Variants in RBFOX1 observed in about 807,000 individuals in gnomAD.
RBFOX1 encodes the protein RNA binding protein fox-1 homolog 1.
Under a neutral mutation model 57.7 loss-of-function variants are expected in RBFOX1, and 8 were observed. The observed-to-expected ratio is 0.14, with a 90% CI of 0.08 to 0.25. The LOEUF (loss-of-function observed/expected upper bound fraction) is 0.25. Among genes scored for constraint, RBFOX1 ranks in the 10% least tolerant of loss-of-function variants. The pLI is 1.00. For missense variants in RBFOX1, 611 were observed against 548.5 expected, an observed-to-expected ratio of 1.11 and a Z score of -1.14; for synonymous variants, 326 against 222.4, an observed-to-expected ratio of 1.47 and a Z score of -4.15.
chr16:7,454,300 C>T (rs950650746), intron 4 of RBFOX1, among the ~76,000 whole-genome samples: 1 of 152,180 alleles, frequency 6.6e-6, no homozygotes, highest in Non-Finnish European at 1.5e-5. Context: ...AAGGAAGATG[C>T]CCAGGATCGG....
intron 5 of RBFOX1, among the ~76,000 whole-genome samples, chr16:7,539,975 T>A (rs1006502241): frequency 1.3e-5 from 2 of 152,180 alleles, no homozygotes; most frequent in African/African-American, 4.8e-5. Flanking sequence ...CTGCATGACT[T>A]TGGGAAAGCT....
intron 3 of RBFOX1, among the ~76,000 whole-genome samples, chr16:6,952,044 G>A (rs2080876230): frequency 6.6e-6 from 1 of 152,186 alleles, no homozygotes; most frequent in Admixed American, 6.5e-5. Flanking sequence ...TGAAAAAAGT[G>A]GTTTCTCATA....
At chr16:5,737,206 G>C (rs867281370) in intron 3 of RBFOX1, among the ~76,000 whole-genome samples, 1 of 152,054 alleles carries the variant, frequency 6.6e-6, no homozygotes, top group Non-Finnish European at 1.5e-5. Context: ...ATTCTGGGCT[G>C]GGTGCAGTTG....
At chr16:5,413,095 C>A (rs575433509) in intron 1 of RBFOX1, among the ~76,000 whole-genome samples, 1 of 152,246 alleles carries the variant, frequency 6.6e-6, no homozygotes, top group African/African-American at 2.4e-5. Flanking sequence ...TTGATGTTTC[C>A]CATCACGATG....
At chr16:5,636,481 C>T (rs1039797078) in intron 3 of RBFOX1, among the ~76,000 whole-genome samples, 6 of 152,178 alleles carry the variant, frequency 3.9e-5, no homozygotes, top group Admixed American at 1.3e-4. Flanking sequence ...GGACTCCTCC[C>T]GCTCATGGGG....
At chr16:7,125,714 G>A (rs1200439692) in intron 4 of RBFOX1, among the ~76,000 whole-genome samples, 2 of 151,752 alleles carry the variant, frequency 1.3e-5, no homozygotes, top group Non-Finnish European at 2.9e-5. Context: ...TTAGACAGAT[G>A]CCTAAACTCC....
intron 4 of RBFOX1, among the ~76,000 whole-genome samples, chr16:7,111,957 A>G (rs1314089639): frequency 2.0e-5 from 3 of 152,152 alleles, no homozygotes; most frequent in Non-Finnish European, 4.4e-5. Context: ...GTCACCCTGA[A>G]TTATTGGAGG....
chr16:6,893,581 A>G (rs960109033), intron 3 of RBFOX1, among the ~76,000 whole-genome samples: 2 of 152,180 alleles, frequency 1.3e-5, no homozygotes, highest in South Asian at 4.1e-4. Context: ...AATTTAGACC[A>G]CAAAGAATCT....
intron 1 of RBFOX1, among the ~76,000 whole-genome samples, chr16:6,283,273 G>T (rs138244405): frequency 6.6e-6 from 1 of 152,152 alleles, no homozygotes; most frequent in Admixed American, 6.5e-5. Flanking sequence ...CCTACAGTGA[G>T]CTGTGATGGC....
At chr16:6,826,776 C>G (rs932612289) in intron 3 of RBFOX1, among the ~76,000 whole-genome samples, 17 of 152,184 alleles carry the variant, frequency 1.1e-4, no homozygotes, top group Middle Eastern at 3.4e-3. Flanking sequence ...TATTATACTA[C>G]AAGAATGACT....
intron 4 of RBFOX1, among the ~76,000 whole-genome samples, chr16:7,390,767 G>A (rs946722338): frequency 1.3e-5 from 2 of 152,146 alleles, no homozygotes; most frequent in African/African-American, 2.4e-5. Context: ...CAATAGGACA[G>A]AAAGAGACTA....
In RBFOX1 at chr16:6,903,143, C is replaced by G. The variant is rs139711126; in HGVS notation, c.-15-148914C>G. Among the ~76,000 whole-genome samples, 18 of 152,252 alleles carry G rather than the reference C, an allele frequency of 1.2e-4. 1 individual carries two copies. Among genetic ancestry groups the G allele is most frequent in the African/African-American group, 3.6e-4 (15 of 41,550 alleles). ...TCTGAAGCCATCATAAGTGACTTCACTTGTTGAAGAAGGGGAGGAGCCTTT... is the reference window on the plus strand; with the variant it reads ...TCTGAAGCCATCATAAGTGACTTCAGTTGTTGAAGAAGGGGAGGAGCCTTT... On this transcript the variant is annotated intron_variant, in intron 3 of 15. Coordinates refer to ENST00000550418, the MANE Select transcript of RBFOX1 (RefSeq NM_018723.4).
At chr16:6,230,947 C>T (rs918888507) in intron 1 of RBFOX1, among the ~76,000 whole-genome samples, 1 of 152,112 alleles carries the variant, frequency 6.6e-6, no homozygotes, top group Non-Finnish European at 1.5e-5. Context: ...AGATGTAGCC[C>T]TCTGACTTTA....
intron 1 of RBFOX1, among the ~76,000 whole-genome samples, chr16:5,451,167 C>G (rs1196863920): frequency 6.6e-6 from 1 of 152,150 alleles, no homozygotes; most frequent in Non-Finnish European, 1.5e-5. Context: ...TGTGAGAGAA[C>G]CAGAGCTCTT....
intron 4 of RBFOX1, among the ~76,000 whole-genome samples, chr16:6,009,802 A>ATGTGTGTGTGTCTC (rs1555469408): frequency 1.7e-5 from 1 of 58,562 alleles, no homozygotes; most frequent in African/African-American, 8.8e-5. Context: ...CAGTGTGTGT[A>ATGTGTGTGTGTCTC]TGTGTGTGTG....
chr16:5,383,853 CA>C (rs1384709093), intron 1 of RBFOX1, among the ~76,000 whole-genome samples: 1 of 152,208 alleles, frequency 6.6e-6, no homozygotes, highest in Non-Finnish European at 1.5e-5. Context: ...TATTGGTTGA[CA>C]TAATTAAGAT....
chr16:7,117,789 G>A (rs890288855), intron 4 of RBFOX1, among the ~76,000 whole-genome samples: 1 of 152,154 alleles, frequency 6.6e-6, no homozygotes, highest in Non-Finnish European at 1.5e-5. Flanking sequence ...TATCAGCCAG[G>A]ACTGGGTTCT....
At chr16:5,920,458 T>C (rs1212376946) in intron 4 of RBFOX1, among the ~76,000 whole-genome samples, 1 of 152,166 alleles carries the variant, frequency 6.6e-6, no homozygotes, top group Non-Finnish European at 1.5e-5. Flanking sequence ...TTCTCGTGGG[T>C]GTATACCTAG....
intron 3 of RBFOX1, among the ~76,000 whole-genome samples, chr16:5,780,141 T>C (rs1393945675): frequency 6.6e-6 from 1 of 152,208 alleles, no homozygotes; most frequent in East Asian, 1.9e-4. Context: ...TAGATGGGAC[T>C]ACAAGTGCGT....
Sources: allele counts gnomAD v4.1 joint callset (sites outside exome capture counted in the v4.1 genomes callset), GRCh38; gene constraint gnomAD v4.1.1; transcripts MANE v1.5; gene names NCBI Gene and HGNC (gene_info 2026-07-23, HGNC 2026-07-21).